Variants in CPNE8 observed in about 807,000 individuals in gnomAD.
CPNE8 encodes copine-8.
A neutral mutation model predicts 81.5 loss-of-function variants in CPNE8; 45 were observed. The ratio of observed to expected loss-of-function variants is 0.55; its 90% CI spans 0.44 to 0.71. The LOEUF (loss-of-function observed/expected upper bound fraction) is 0.71. Ranked by LOEUF, CPNE8 falls within the 30% of genes least tolerant of loss-of-function variation. CPNE8 has a pLI of 0.00. For synonymous variants in CPNE8, 252 were observed against 226.3 expected, an observed-to-expected ratio of 1.11 and a Z score of -1.02; for missense variants, 594 against 672.1, an observed-to-expected ratio of 0.88 and a Z score of 1.28.
intron 3 of CPNE8, among the ~76,000 whole-genome samples, chr12:38,853,437 C>T (rs1008809368): frequency 1.3e-5 from 2 of 151,868 alleles, no homozygotes; most frequent in Admixed American, 6.6e-5. Context: ...ATTACAATAA[C>T]CTCTGGCACA....
At chr12:38,707,241 G>A (rs1940131114) in intron 13 of CPNE8, among the ~76,000 whole-genome samples, 1 of 152,100 alleles carries the variant, frequency 6.6e-6, no homozygotes, top group African/African-American at 2.4e-5. Flanking sequence ...TTCAGCCTAC[G>A]AATTTGAGGC....
intron 6 of CPNE8, among the ~76,000 whole-genome samples, chr12:38,792,335 T>C (rs1191584641): frequency 6.6e-6 from 1 of 150,458 alleles, no homozygotes; most frequent in Non-Finnish European, 1.5e-5. Flanking sequence ...GAAAAACCCT[T>C]AGCTAGATTA....
At chr12:38,799,421 C>A (rs988774621) in intron 6 of CPNE8, among the ~76,000 whole-genome samples, 3 of 152,092 alleles carry the variant, frequency 2.0e-5, no homozygotes, top group African/African-American at 7.2e-5. Flanking sequence ...TACATGGAAA[C>A]TGAACAACCT....
At chr12:38,698,932 T>C (rs1271700845) in intron 14 of CPNE8, among the ~76,000 whole-genome samples, 2 of 152,234 alleles carry the variant, frequency 1.3e-5, no homozygotes, top group Non-Finnish European at 2.9e-5. Context: ...AAAAGTCCTT[T>C]CAGACTTTGA....
At chr12:38,830,564 C>T (rs771382811) in intron 5 of CPNE8, among the ~76,000 whole-genome samples, 9 of 152,108 alleles carry the variant, frequency 5.9e-5, no homozygotes, top group Non-Finnish European at 1.0e-4. Flanking sequence ...AAAGAATTGC[C>T]CTGTTCTAAA....
At chr12:38,818,102 G>A (rs981145274) in intron 6 of CPNE8, among the ~76,000 whole-genome samples, 26 of 152,162 alleles carry the variant, frequency 1.7e-4, no homozygotes, top group African/African-American at 6.0e-4. Context: ...GGTTAGAGGA[G>A]TCAATAGATG....
intron 3 of CPNE8, among the ~76,000 whole-genome samples, chr12:38,855,920 G>A (rs1417945964): frequency 6.6e-6 from 1 of 151,420 alleles, no homozygotes; most frequent in Non-Finnish European, 1.5e-5. Context: ...AGACAGAAAG[G>A]AACCAAAGAA....
chr12:38,677,636 A>G, intron 16 of CPNE8, 82 bp from the exon 17 acceptor site: 1 of 760,822 alleles, frequency 1.3e-6, no homozygotes. Context: ...AATAGTTAAC[A>G]AACATTTTAA....
chr12:38,819,692 G>A lies in CPNE8; in HGVS notation c.407+9687C>T, dbSNP rs754908842. 4.6e-5 allele frequency among the ~76,000 whole-genome samples: 7 copies of A among 150,738 alleles called. No homozygotes were observed. The South Asian group carries it at 8.4e-4, about 18-fold the overall frequency. ...TGACGCAGGAGAATGGTGTGAACCC[G>A]GGAGGCGGACCTTGCAGTGAGCCAA... is the stretch of plus-strand genomic sequence containing the variant. On this transcript the variant is annotated intron_variant, in intron 6 of 19. Coordinates refer to ENST00000331366, the MANE Select transcript of CPNE8 (RefSeq NM_153634.3).
intron 6 of CPNE8, among the ~76,000 whole-genome samples, chr12:38,807,407 T>C (rs1286703903): frequency 1.3e-5 from 2 of 151,400 alleles, no homozygotes; most frequent in Non-Finnish European, 2.9e-5. Context: ...AACAGAGATA[T>C]AGATCAATGG....
chr12:38,685,416 A>G, intron 16 of CPNE8, 74 bp downstream of exon 16: 1 of 1,490,106 alleles, frequency 6.7e-7, no homozygotes, highest in Non-Finnish European at 9.1e-7. Flanking sequence ...GTGTGGAGTC[A>G]TGCTAGCAAC....
chr12:38,714,048 G>C (rs1294593295), intron 13 of CPNE8, among the ~76,000 whole-genome samples: 1 of 152,104 alleles, frequency 6.6e-6, no homozygotes, highest in Non-Finnish European at 1.5e-5. Flanking sequence ...ACGGGGATGG[G>C]GAAGTGGAGT....
chr12:38,866,215 G>A (rs1174993192), intron 3 of CPNE8, among the ~76,000 whole-genome samples: 1 of 152,184 alleles, frequency 6.6e-6, no homozygotes, highest in South Asian at 2.1e-4. Flanking sequence ...CACAGCAAAT[G>A]TCTTCTGTTA....
At chr12:38,803,409 C>A (rs1398015916) in intron 6 of CPNE8, among the ~76,000 whole-genome samples, 1 of 149,930 alleles carries the variant, frequency 6.7e-6, no homozygotes, top group Admixed American at 6.7e-5. Context: ...ACAAAAACCA[C>A]ATGATTATCT....
At chr12:38,781,755 G>T (rs1231841204) in intron 6 of CPNE8, among the ~76,000 whole-genome samples, 1 of 152,040 alleles carries the variant, frequency 6.6e-6, no homozygotes, top group African/African-American at 2.4e-5. Flanking sequence ...ATATTAATAT[G>T]TATTCCTGAT....
chr12:38,901,548 G>C (rs1944461881), intron 1 of CPNE8, among the ~76,000 whole-genome samples: 1 of 152,114 alleles, frequency 6.6e-6, no homozygotes. Context: ...GGCATTTTTA[G>C]TTAATTAAGT....
At chr12:38,660,376 A>G (rs1363231421) in intron 19 of CPNE8, among the ~76,000 whole-genome samples, 1 of 152,226 alleles carries the variant, frequency 6.6e-6, no homozygotes, top group African/African-American at 2.4e-5. Context: ...AGGATTCCCT[A>G]TTTAATAAAT....
chr12:38,773,399 A>G (rs930660253), intron 7 of CPNE8, among the ~76,000 whole-genome samples: 10 of 152,088 alleles, frequency 6.6e-5, no homozygotes. Flanking sequence ...GATTGTGGTG[A>G]TGGTTTCATG....
At chr12:38,855,227 A>G (rs908701707) in intron 3 of CPNE8, among the ~76,000 whole-genome samples, 2 of 152,088 alleles carry the variant, frequency 1.3e-5, no homozygotes, top group Non-Finnish European at 2.9e-5. Flanking sequence ...ACACTGATGA[A>G]AGAAATAATT....
Sources: allele counts gnomAD v4.1 joint callset (sites outside exome capture counted in the v4.1 genomes callset), GRCh38; gene constraint gnomAD v4.1.1; transcripts MANE v1.5; gene names NCBI Gene and HGNC (gene_info 2026-07-23, HGNC 2026-07-21).